The following MAMDC2 variants were observed in gnomAD, a reference collection of about 807,000 sequenced individuals.
MAMDC2 encodes MAM domain-containing protein 2.
MAMDC2 carries 57 observed loss-of-function variants against 89.8 expected under a neutral mutation model. That is an observed-to-expected ratio of 0.63 (90% CI 0.51 to 0.79). MAMDC2 has a LOEUF of 0.79. MAMDC2 is among the 30% of genes least tolerant of loss of function. The pLI, the probability that MAMDC2 is intolerant of heterozygous loss-of-function variation, is 0.00. For synonymous variants in MAMDC2, 313 were observed against 293.4 expected, an observed-to-expected ratio of 1.07 and a Z score of -0.68; for missense variants, 800 against 820.6, an observed-to-expected ratio of 0.97 and a Z score of 0.31.
At chr9:70,072,650 T>C (rs1447316299) in intron 2 of MAMDC2, among the ~76,000 whole-genome samples, 1 of 152,112 alleles carries the variant, frequency 6.6e-6, no homozygotes, top group Non-Finnish European at 1.5e-5. Flanking sequence ...CCAGGCTATA[T>C]TGAGTTGAAT....
chr9:70,114,951 T>C (rs945835993), intron 5 of MAMDC2, among the ~76,000 whole-genome samples: 6 of 152,160 alleles, frequency 3.9e-5, no homozygotes, highest in African/African-American at 1.4e-4. Flanking sequence ...ATGGGTATGA[T>C]TTTGACAAAG....
chr9:70,204,752 C>G (rs2033184203), intron 11 of MAMDC2, among the ~76,000 whole-genome samples: 1 of 152,124 alleles, frequency 6.6e-6, no homozygotes, highest in Non-Finnish European at 1.5e-5. Context: ...GGGATATAGT[C>G]TCGTGGTGCG....
rs118113275 is a variant in MAMDC2 at position 70,155,775 on chromosome 9, G to A, written c.1404+11956G>A. Among the ~76,000 whole-genome samples, 959 of 152,210 alleles carry A rather than the reference G, an allele frequency of 6.3e-3. 7 individuals are homozygous for A. Among genetic ancestry groups the A allele is most frequent in the South Asian group, 0.028 (137 of 4,822 alleles). ...CTTCCTCCTCCAATGCTCCCTCAGC[G>A]TTTATCAACAGCAAAGTATATCTCA... is the stretch of plus-strand genomic sequence containing the variant. On this transcript the variant is annotated intron_variant, in intron 9 of 13. Transcript: ENST00000377182.
At chr9:70,179,288 G>A (rs1202787555) in intron 11 of MAMDC2, among the ~76,000 whole-genome samples, 1 of 151,926 alleles carries the variant, frequency 6.6e-6, no homozygotes, top group Non-Finnish European at 1.5e-5. Flanking sequence ...TGAGGCAGGC[G>A]GATCACGAGG....
At chr9:70,087,888 C>T (rs931601877) in intron 2 of MAMDC2, among the ~76,000 whole-genome samples, 3 of 152,078 alleles carry the variant, frequency 2.0e-5, no homozygotes, top group Non-Finnish European at 4.4e-5. Context: ...CTGTAGGTCC[C>T]CAAACTGCTC....
intron 12 of MAMDC2, 58 bp from the exon 13 acceptor site, chr9:70,225,692 G>A: frequency 8.8e-7 from 1 of 1,130,768 alleles, no homozygotes; most frequent in Non-Finnish European, 1.3e-6. Flanking sequence ...GATCTGCCCT[G>A]ACCAGCACTG....
intron 2 of MAMDC2, chr9:70,086,777 C>T (rs1827778889): frequency 6.6e-6 from 1 of 152,054 alleles, no homozygotes; most frequent in Non-Finnish European, 1.5e-5. Context: ...CTTACTGGGC[C>T]CCAGCTGAGC....
chr9:70,142,578 C>T (rs2118413397), intron 8 of MAMDC2, among the ~76,000 whole-genome samples: 1 of 152,244 alleles, frequency 6.6e-6, no homozygotes, highest in Middle Eastern at 3.4e-3. Context: ...ACATTATTTC[C>T]TCACAGTTCT....
At chr9:70,175,218 A>G (rs1251448029) in intron 11 of MAMDC2, among the ~76,000 whole-genome samples, 1 of 152,212 alleles carries the variant, frequency 6.6e-6, no homozygotes, top group Non-Finnish European at 1.5e-5. Context: ...CAGGTGAACA[A>G]TGATGGTAAA....
intron 2 of MAMDC2, among the ~76,000 whole-genome samples, chr9:70,049,847 C>A (rs1194739889): frequency 6.6e-6 from 1 of 152,180 alleles, no homozygotes; most frequent in Non-Finnish European, 1.5e-5. Context: ...GGCAGCCTTG[C>A]TTCTGCCTTG....
intron 11 of MAMDC2, among the ~76,000 whole-genome samples, chr9:70,183,357 A>G (rs1485588715): frequency 6.6e-6 from 1 of 152,190 alleles, no homozygotes; most frequent in Non-Finnish European, 1.5e-5. Context: ...GTAGATATCT[A>G]TTAGGTCCGC....
At chr9:70,214,722 G>A (rs2033414111) in intron 11 of MAMDC2, among the ~76,000 whole-genome samples, 1 of 152,194 alleles carries the variant, frequency 6.6e-6, no homozygotes, top group African/African-American at 2.4e-5. Context: ...TGATAGCAGT[G>A]GAGGCGGTAA....
intron 9 of MAMDC2, among the ~76,000 whole-genome samples, chr9:70,145,846 G>A (rs2031386775): frequency 1.3e-5 from 2 of 152,132 alleles, no homozygotes; most frequent in Middle Eastern, 3.4e-3. Flanking sequence ...TACCCTTGAA[G>A]AAGAAGAGAT....
intron 11 of MAMDC2, chr9:70,217,527 T>TGCTAAGGAAGCAAAAAAG: frequency 1.3e-6 from 2 of 1,567,262 alleles, no homozygotes; most frequent in South Asian, 2.2e-5. Flanking sequence ...CTATCAGGGC[T>TGCTAAGGAAGCAAAAAAG]GCTAAGGAAG....
intron 11 of MAMDC2, among the ~76,000 whole-genome samples, chr9:70,189,510 T>C (rs1433745735): frequency 6.6e-6 from 1 of 152,194 alleles, no homozygotes; most frequent in East Asian, 1.9e-4. Context: ...TTAAAAAGAT[T>C]TGCTCATTGT....
chr9:70,204,522 C>A (rs1443186077), intron 11 of MAMDC2, among the ~76,000 whole-genome samples: 1 of 149,654 alleles, frequency 6.7e-6, no homozygotes, highest in Non-Finnish European at 1.5e-5. Flanking sequence ...TGTCTGTGCC[C>A]TGCCCCCAGA....
At chr9:70,200,240 G>A (rs1038786231) in intron 11 of MAMDC2, among the ~76,000 whole-genome samples, 15 of 151,490 alleles carry the variant, frequency 9.9e-5, no homozygotes, top group African/African-American at 3.6e-4. Flanking sequence ...AAGGTGTAAG[G>A]AAGGGATCCA....
intron 2 of MAMDC2, among the ~76,000 whole-genome samples, chr9:70,050,474 G>A (rs1174121686): frequency 6.6e-6 from 1 of 152,160 alleles, no homozygotes; most frequent in African/African-American, 2.4e-5. Flanking sequence ...AGCTGTGTGG[G>A]CTTGGGAAAG....
At chr9:70,172,892 A>ATCCTG (rs1563986394) in intron 11 of MAMDC2, 1 of 152,748 alleles carries the variant, frequency 6.5e-6, no homozygotes. Flanking sequence ...GGATGTTAAA[A>ATCCTG]ATATAACTAG....
Sources: gnomAD v4.1 joint callset for allele counts (sites outside exome capture counted in the v4.1 genomes callset) on GRCh38, gnomAD v4.1.1 for gene constraint, MANE v1.5 for transcripts, NCBI Gene and HGNC (gene_info 2026-07-23, HGNC 2026-07-21) for gene names.